The following MFHAS1 variants were observed in gnomAD, a reference collection of about 807,000 sequenced individuals.
The protein encoded by MFHAS1 is multifunctional ROCO family signaling regulator 1.
A neutral mutation model predicts 70.4 loss-of-function variants in MFHAS1; 50 were observed. The observed-to-expected ratio is 0.71, with a 90% CI of 0.57 to 0.90. The LOEUF is 0.90. Among genes scored for constraint, MFHAS1 ranks in the 40% least tolerant of loss-of-function variants. MFHAS1 has a pLI of 0.00. For missense variants in MFHAS1, 1,795 were observed against 1,347.6 expected (o/e 1.33, Z -5.20); for synonymous variants, 952 against 620.0 (o/e 1.54, Z -7.96).
rs1333460667 is a variant in MFHAS1 at position 8,891,878 on chromosome 8, G to A, written c.1181C>T (p.Ala394Val). Residue 394 changes from alanine (A) to valine (V), a missense_variant, in exon 1 of 3, where the codon GCC becomes GTC. Coordinates refer to ENST00000276282, the MANE Select transcript of MFHAS1 (RefSeq NM_004225.3). The surrounding 1 kb of genome is among the most constrained non-coding windows in gnomAD (Gnocchi z 5.4). Reference sequence around the variant, plus strand: ...GGAATGAGCCAGTTCCTTCTGGTAGGCTGCGATGTAGGGGATCCCCTTCAT... The same window carrying A: ...GGAATGAGCCAGTTCCTTCTGGTAGACTGCGATGTAGGGGATCCCCTTCAT... ...VCMKGIPYIA[A>V]YQKELAHSQP... 1 of 1,611,752 alleles carries A rather than the reference G, an allele frequency of 6.2e-7. No individual in the cohort carries two copies. Among genetic ancestry groups the A allele is most frequent in the Non-Finnish European group, 8.5e-7 (1 of 1,178,992 alleles).
Position 8,892,946 on chromosome 8 carries a change from CCGG to C in MFHAS1, c.110_112del (p.Ala37del). The C allele has an allele frequency of 4.5e-6, 7 of 1,546,844 alleles. No homozygotes were observed. Among genetic ancestry groups the C allele is most frequent in the African/African-American group, 2.8e-5 (2 of 70,954 alleles). ...GTCGGCCCCGGCCCCGGGGCAGGCC[CCGG>C]CGGCGGTAAGCGTGAGCTGGCGCAG... On this transcript the variant is annotated inframe_deletion, in exon 1 of 3. Coordinates refer to ENST00000276282, the MANE Select transcript of MFHAS1 (RefSeq NM_004225.3). The surrounding 1 kb of genome is among the most constrained non-coding windows in gnomAD (Gnocchi z 4.7).
chr8:8,848,274 C>T (rs1195055350), intron 1 of MFHAS1, among the ~76,000 whole-genome samples: 1 of 152,134 alleles, frequency 6.6e-6, no homozygotes, highest in Non-Finnish European at 1.5e-5. Context: ...ATAATAGCCT[C>T]CTCCTAGTCT....
rs576724774 is a variant in MFHAS1, at chr8:8,831,440, T to C, written c.2999-33949A>G. Reference sequence around the variant, plus strand: ...TCTTGTCTACAGCCATACTACCTGATCTGGAAAGCTAAGCAGGGTCGGGCC... The same window carrying C: ...TCTTGTCTACAGCCATACTACCTGACCTGGAAAGCTAAGCAGGGTCGGGCC... On this transcript the variant is annotated intron_variant, in intron 1 of 2. Transcript: ENST00000276282. Among the ~76,000 whole-genome samples the C allele has an allele frequency of 7.9e-5, 12 of 152,120 alleles. No individual in the cohort carries two copies. The South Asian group carries it at 2.3e-3, about 29-fold the overall frequency.
At chr8:8,791,046 C>T (rs1207559936) in intron 2 of MFHAS1, among the ~76,000 whole-genome samples, 4 of 151,958 alleles carry the variant, frequency 2.6e-5, no homozygotes, top group East Asian at 1.9e-4. Flanking sequence ...AATAACTCAG[C>T]CTTCCCCTCT....
rs1455264493 is a variant in MFHAS1 at position 8,893,226 on chromosome 8, C to A, written c.-168G>T. The A allele has an allele frequency of 2.1e-5, 4 of 189,244 alleles. No homozygotes were observed. Among genetic ancestry groups the A allele is most frequent in the Non-Finnish European group, 4.1e-5 (4 of 97,848 alleles). 11.7% of individuals were successfully genotyped at this position (189,244 alleles called of 1,614,324 possible). The stretch of plus-strand genomic sequence containing the variant: ...CGGCCGAGCGCTGGCGGCTAGGGGG[C>A]GGCGGCGACGCGAGCGGCTCCGGGG... On this transcript the variant is annotated 5_prime_UTR_variant, in exon 1 of 3. Coordinates refer to ENST00000276282, the MANE Select transcript of MFHAS1 (RefSeq NM_004225.3).
intron 1 of MFHAS1, among the ~76,000 whole-genome samples, chr8:8,803,050 CTT>C (rs1772435867): frequency 6.6e-6 from 1 of 152,154 alleles, no homozygotes; most frequent in South Asian, 2.1e-4. Flanking sequence ...CACATATACT[CTT>C]AAGGGGTTTT....
chr8:8,840,302 C>G (rs1331036607), intron 1 of MFHAS1, among the ~76,000 whole-genome samples: 1 of 152,030 alleles, frequency 6.6e-6, no homozygotes, highest in African/African-American at 2.4e-5. Context: ...ACTAAAAATA[C>G]AAAAATTAGC....
At chr8:8,799,408 AGGG>A (rs2117262115) in intron 1 of MFHAS1, among the ~76,000 whole-genome samples, 1 of 152,368 alleles carries the variant, frequency 6.6e-6, no homozygotes, top group Non-Finnish European at 1.5e-5. Flanking sequence ...ACCATGGATA[AGGG>A]GACCACTGTA....
At chr8:8,822,331 C>T (rs753969512) in intron 1 of MFHAS1, among the ~76,000 whole-genome samples, 3 of 152,310 alleles carry the variant, frequency 2.0e-5, no homozygotes, top group Non-Finnish European at 2.9e-5. Flanking sequence ...GGAGCGAGTC[C>T]TCAGGGAGAG....
At chr8:8,796,036 G>T (rs1353486427) in intron 2 of MFHAS1, among the ~76,000 whole-genome samples, 43 of 152,178 alleles carry the variant, frequency 2.8e-4, no homozygotes, top group Admixed American at 2.7e-3. Flanking sequence ...AGGATTTGAA[G>T]TAACAGGCAT....
intron 1 of MFHAS1, among the ~76,000 whole-genome samples, chr8:8,865,766 G>C (rs1413272401): frequency 6.6e-6 from 1 of 152,094 alleles, no homozygotes; most frequent in African/African-American, 2.4e-5. Flanking sequence ...ACTATTTTTG[G>C]GTCCCAAATT....
chr8:8,814,204 C>G (rs1481851907), intron 1 of MFHAS1, among the ~76,000 whole-genome samples: 1 of 152,208 alleles, frequency 6.6e-6, no homozygotes, highest in Non-Finnish European at 1.5e-5. Context: ...TCCCACAGTG[C>G]TGGAATTACA....
At chr8:8,820,978 T>C (rs573085873) in intron 1 of MFHAS1, among the ~76,000 whole-genome samples, 2 of 152,202 alleles carry the variant, frequency 1.3e-5, no homozygotes, top group African/African-American at 4.8e-5. Flanking sequence ...TGCTTCTAAT[T>C]TCACTGTCCT....
At chr8:8,877,591 T>C (rs549449624) in intron 1 of MFHAS1, among the ~76,000 whole-genome samples, 6 of 152,306 alleles carry the variant, frequency 3.9e-5, no homozygotes, top group South Asian at 2.1e-4. Context: ...AATGCTACTC[T>C]TCTCCCTCTA....
intron 1 of MFHAS1, among the ~76,000 whole-genome samples, chr8:8,839,211 C>T (rs1807713307): frequency 6.6e-6 from 1 of 152,024 alleles, no homozygotes; most frequent in Non-Finnish European, 1.5e-5. Flanking sequence ...CTATAAAAGA[C>T]TTGCTGCAAA....
chr8:8,870,323 G>C (rs1033387597), intron 1 of MFHAS1, among the ~76,000 whole-genome samples: 2 of 148,046 alleles, frequency 1.4e-5, no homozygotes, highest in African/African-American at 5.0e-5. Flanking sequence ...AAATTAGCCA[G>C]ACATGGTGGC....
At chr8:8,798,808 G>T (rs1458970172) in intron 1 of MFHAS1, among the ~76,000 whole-genome samples, 2 of 152,116 alleles carry the variant, frequency 1.3e-5, no homozygotes, top group African/African-American at 4.8e-5. Flanking sequence ...TAGCAGTTTG[G>T]AAGGCTGAGG....
chr8:8,825,372 C>T lies in MFHAS1; in HGVS notation c.2999-27881G>A, dbSNP rs549189350. 3.9e-5 allele frequency among the ~76,000 whole-genome samples: 6 copies of T among 152,322 alleles called. No homozygotes were observed. In the South Asian group the frequency reaches 1.2e-3, roughly 32 times the overall value. Reference sequence around the variant, plus strand: ...GTTTGTAGCAGAGACAGAGTTTCACCATGTTGGCCAGGCTGGTGTCAAACT... The same window carrying T: ...GTTTGTAGCAGAGACAGAGTTTCACTATGTTGGCCAGGCTGGTGTCAAACT... On this transcript the variant is annotated intron_variant, in intron 1 of 2. Transcript: ENST00000276282.
intron 1 of MFHAS1, among the ~76,000 whole-genome samples, chr8:8,807,618 C>G (rs1585026270): frequency 6.6e-6 from 1 of 152,156 alleles, no homozygotes; most frequent in Admixed American, 6.5e-5. Context: ...TTTCCCTGTA[C>G]CCCCTACAAT....
Sources: gnomAD v4.1 joint callset for allele counts (sites outside exome capture counted in the v4.1 genomes callset) on GRCh38, gnomAD v4.1.1 for gene constraint, Gnocchi (gnomAD v3.1) non-coding constraint, MANE v1.5 for transcripts, NCBI Gene and HGNC (gene_info 2026-07-23, HGNC 2026-07-21) for gene names.